ASTN2: variants seen among roughly 807,000 people sequenced by gnomAD.
The protein encoded by ASTN2 is astrotactin-2.
In ASTN2, 54 loss-of-function variants were observed where a neutral mutation model predicts 139.8. The observed-to-expected ratio is 0.39, with a 90% CI of 0.31 to 0.48. The LOEUF (loss-of-function observed/expected upper bound fraction) is 0.48, where lower values mean the gene tolerates loss of function less well. ASTN2 is among the 20% of genes least tolerant of loss of function. The pLI is 0.95. For missense variants in ASTN2, 1,565 were observed against 1,725.1 expected, an observed-to-expected ratio of 0.91 and a Z score of 1.64; for synonymous variants, 756 against 719.5, an observed-to-expected ratio of 1.05 and a Z score of -0.81.
At chr9:117,144,660 G>GTTTTTTTTTTTTTTTTTTTTTTT (rs71379267) in intron 3 of ASTN2, among the ~76,000 whole-genome samples, 1 of 78,308 alleles carries the variant, frequency 1.3e-5, no homozygotes, top group African/African-American at 6.0e-5. Context: ...GTGAACACTA[G>GTTTTTTTTTTTTTTTTTTTTTTT]TTTTTTTTTT....
chr9:116,593,139 G>A (rs1854439643), intron 19 of ASTN2, among the ~76,000 whole-genome samples: 1 of 152,184 alleles, frequency 6.6e-6, no homozygotes, highest in Non-Finnish European at 1.5e-5. Context: ...GGAATGCAAT[G>A]GGAATGAAGA....
chr9:116,755,086 A>C (rs1329459346), intron 13 of ASTN2, among the ~76,000 whole-genome samples: 1 of 152,174 alleles, frequency 6.6e-6, no homozygotes, highest in African/African-American at 2.4e-5. Context: ...TCCGGCTTCT[A>C]ATTTTTAGTT....
At chr9:117,307,295 C>G (rs1835025696) in intron 1 of ASTN2, among the ~76,000 whole-genome samples, 1 of 152,186 alleles carries the variant, frequency 6.6e-6, no homozygotes, top group Admixed American at 6.5e-5. Flanking sequence ...CATGTCTGCA[C>G]AGACTGATGT....
At chr9:117,396,588 C>T (rs768900483) in intron 1 of ASTN2, among the ~76,000 whole-genome samples, 1 of 152,076 alleles carries the variant, frequency 6.6e-6, no homozygotes, top group African/African-American at 2.4e-5. Context: ...TGTTATGAGA[C>T]AGAGTCTCAC....
At chr9:116,475,779 C>A (rs970292200) in intron 20 of ASTN2, among the ~76,000 whole-genome samples, 3 of 152,156 alleles carry the variant, frequency 2.0e-5, no homozygotes, top group African/African-American at 7.2e-5. Context: ...ATTCATCCCA[C>A]CAACTCCCTG....
At chr9:116,528,117 G>T (rs1851173520) in intron 19 of ASTN2, among the ~76,000 whole-genome samples, 1 of 152,198 alleles carries the variant, frequency 6.6e-6, no homozygotes, top group Admixed American at 6.5e-5. Flanking sequence ...TGAGGGCTCA[G>T]AAGAAGGCAG....
chr9:116,565,369 CTCTCTCTCTCTCTCTCTCCA>C, intron 19 of ASTN2, among the ~76,000 whole-genome samples: 1 of 27,582 alleles, frequency 3.6e-5, no homozygotes, highest in Non-Finnish European at 6.0e-5. Flanking sequence ...CTCTCTCTCT[CTCTCTCTCTCTCTCTCTCCA>C]TATATATATA....
At chr9:117,190,771 C>A (rs1343642275) in intron 3 of ASTN2, among the ~76,000 whole-genome samples, 2 of 152,096 alleles carry the variant, frequency 1.3e-5, no homozygotes, top group Non-Finnish European at 2.9e-5. Context: ...TCATTAAGAC[C>A]TTTCCTGAGG....
Position 116,777,558 on chromosome 9 carries a change from T to C in ASTN2, c.2396+28074A>G, listed in dbSNP as rs546558671. On this transcript the variant is annotated intron_variant, in intron 13 of 22. Coordinates refer to ENST00000313400, the MANE Select transcript of ASTN2 (RefSeq NM_001365068.1). ...AAAATCACAGAGAGTAGACGTGGCATGTGAGGCGGGGTGGGAGACAGTTGT... is the reference window on the plus strand; with the variant it reads ...AAAATCACAGAGAGTAGACGTGGCACGTGAGGCGGGGTGGGAGACAGTTGT... Among the ~76,000 whole-genome samples the C allele has an allele frequency of 2.0e-5, 3 of 152,198 alleles. No individual in the cohort carries two copies. The South Asian group carries it at 6.2e-4, about 32-fold the overall frequency.
chr9:116,830,869 G>A (rs891666514), intron 11 of ASTN2, among the ~76,000 whole-genome samples: 6 of 150,996 alleles, frequency 4.0e-5, no homozygotes, highest in Non-Finnish European at 7.4e-5. Flanking sequence ...AATAACATAC[G>A]AGTGCTATTT....
intron 11 of ASTN2, among the ~76,000 whole-genome samples, chr9:116,829,179 A>C (rs1427198756): frequency 6.6e-6 from 1 of 151,938 alleles, no homozygotes; most frequent in African/African-American, 2.4e-5. Flanking sequence ...ATCTGTAACT[A>C]GAACAGACCC....
chr9:117,136,254 C>T (rs2132848530), intron 4 of ASTN2, among the ~76,000 whole-genome samples: 1 of 152,290 alleles, frequency 6.6e-6, no homozygotes, highest in South Asian at 2.1e-4. Flanking sequence ...GTAGCATTCT[C>T]ACCCCCTTAT....
intron 19 of ASTN2, among the ~76,000 whole-genome samples, chr9:116,530,758 C>T (rs1227564393): frequency 6.6e-6 from 1 of 152,118 alleles, no homozygotes; most frequent in East Asian, 1.9e-4. Context: ...AATTAGAGTT[C>T]TCCTGATATT....
At chr9:116,772,926 G>A (rs1306353376) in intron 13 of ASTN2, among the ~76,000 whole-genome samples, 2 of 152,164 alleles carry the variant, frequency 1.3e-5, no homozygotes, top group African/African-American at 2.4e-5. Context: ...TATTTCTTTA[G>A]GGGTGTGTCT....
chr9:117,336,711 C>T (rs564149559), intron 1 of ASTN2, among the ~76,000 whole-genome samples: 1 of 152,238 alleles, frequency 6.6e-6, no homozygotes, highest in South Asian at 2.1e-4. Context: ...CTCTAGCCTC[C>T]AGTCAAATGG....
intron 3 of ASTN2, among the ~76,000 whole-genome samples, chr9:117,189,710 G>A (rs1422729499): frequency 6.6e-6 from 1 of 152,172 alleles, no homozygotes; most frequent in African/African-American, 2.4e-5. Flanking sequence ...GGTGTGTCTG[G>A]TTCAAGAGTT....
chr9:116,440,561 T>A, intron 22 of ASTN2, 48 bp downstream of exon 22: 1 of 1,580,268 alleles, frequency 6.3e-7, no homozygotes. Flanking sequence ...AAAAGTCAAC[T>A]GGAGGCAAAA....
At chr9:117,140,846 T>C (rs190350427) in intron 4 of ASTN2, among the ~76,000 whole-genome samples, 2 of 152,094 alleles carry the variant, frequency 1.3e-5, no homozygotes, top group Non-Finnish European at 1.5e-5. Context: ...CATAGCTAGG[T>C]AGCAGCAGAA....
chr9:116,917,916 T>C lies in ASTN2; in HGVS notation c.1890-54183A>G, dbSNP rs10121223. On this transcript the variant is annotated intron_variant, in intron 10 of 22. Transcript: ENST00000313400. The stretch of plus-strand genomic sequence containing the variant: ...AAATCTGAACTTGAATTGTATCTCC[T>C]AGAATTCCTATGTGTTGTGGGAGGG... Among the ~76,000 whole-genome samples, 1,249 of 152,236 alleles carry C rather than the reference T, an allele frequency of 8.2e-3. 12 individuals are homozygous for C. Among genetic ancestry groups the C allele is most frequent in the African/African-American group, 0.024 (979 of 41,544 alleles).
Sources: gnomAD v4.1 joint callset for allele counts (sites outside exome capture counted in the v4.1 genomes callset) on GRCh38, gnomAD v4.1.1 for gene constraint, MANE v1.5 for transcripts, NCBI Gene and HGNC (gene_info 2026-07-23, HGNC 2026-07-21) for gene names.